Variants in SPECC1 observed in about 807,000 individuals in gnomAD.
The protein encoded by SPECC1 is cytospin-B.
SPECC1 carries 62 observed loss-of-function variants against 104.1 expected under a neutral mutation model. The observed-to-expected ratio is 0.60, with a 90% confidence interval of 0.49 to 0.74. The LOEUF (loss-of-function observed/expected upper bound fraction) is 0.74. SPECC1 is among the 30% of genes least tolerant of loss of function. The pLI, the probability that SPECC1 is intolerant of heterozygous loss-of-function variation, is 0.00. For missense variants in SPECC1, 1,306 were observed against 1,310.5 expected, an observed-to-expected ratio of 1.00 and a Z score of 0.05; for synonymous variants, 513 against 501.6, an observed-to-expected ratio of 1.02 and a Z score of -0.30.
chr17:20,281,472 C>T (rs762067802), intron 12 of SPECC1, among the ~76,000 whole-genome samples: 3 of 152,110 alleles, frequency 2.0e-5, no homozygotes, highest in Non-Finnish European at 4.4e-5. Flanking sequence ...TGCTTCCCTG[C>T]GGTGTACTCC....
chr17:20,221,693 A>G (rs1249879696), intron 4 of SPECC1, among the ~76,000 whole-genome samples: 4 of 150,302 alleles, frequency 2.7e-5, no homozygotes, highest in Non-Finnish European at 4.4e-5. Context: ...TTTGGGTTTC[A>G]TTTGCTCTTG....
chr17:20,199,904 C>G (rs563370706), intron 3 of SPECC1, among the ~76,000 whole-genome samples: 84 of 152,302 alleles, frequency 5.5e-4, no homozygotes, highest in African/African-American at 2.0e-3. Context: ...ATTCTCTTGC[C>G]TCAGCCTCCT....
intron 1 of SPECC1, among the ~76,000 whole-genome samples, chr17:20,020,268 A>T (rs2044320399): frequency 6.6e-6 from 1 of 152,200 alleles, no homozygotes; most frequent in African/African-American, 2.4e-5. Context: ...TTGTCAAATC[A>T]TCTTTTCTAA....
intron 3 of SPECC1, among the ~76,000 whole-genome samples, chr17:20,131,877 T>C (rs1036770821): frequency 6.6e-6 from 1 of 152,108 alleles, no homozygotes; most frequent in African/African-American, 2.4e-5. Flanking sequence ...CTTGAACTCC[T>C]GAGCTCAGGC....
At chr17:20,103,986 C>T (rs752014721) in intron 2 of SPECC1, among the ~76,000 whole-genome samples, 3 of 152,144 alleles carry the variant, frequency 2.0e-5, no homozygotes, top group South Asian at 2.1e-4. Flanking sequence ...CATTCTTTTC[C>T]GTGTGAAATG....
intron 3 of SPECC1, among the ~76,000 whole-genome samples, chr17:20,158,566 T>C (rs533035568): frequency 6.6e-6 from 1 of 152,292 alleles, no homozygotes; most frequent in South Asian, 2.1e-4. Context: ...GCCCACCCAT[T>C]AGAGGGGTCT....
chr17:20,270,063 C>G (rs1005055226), intron 12 of SPECC1, among the ~76,000 whole-genome samples: 1 of 152,050 alleles, frequency 6.6e-6, no homozygotes, highest in Non-Finnish European at 1.5e-5. Flanking sequence ...TAGGCAAATT[C>G]ACAGAAACAG....
chr17:20,040,160 TATATACACACAC>T (rs1388287387), intron 1 of SPECC1, among the ~76,000 whole-genome samples: 1 of 152,120 alleles, frequency 6.6e-6, no homozygotes, highest in East Asian at 1.9e-4. Context: ...TGTATATATA[TATATACACACAC>T]ATATACACAC....
chr17:20,287,976 G>A (rs1354988900), intron 12 of SPECC1, among the ~76,000 whole-genome samples: 1 of 149,698 alleles, frequency 6.7e-6, no homozygotes, highest in African/African-American at 2.5e-5. Flanking sequence ...AGGCCTTAGT[G>A]TATGTTGTTT....
At chr17:20,061,233 G>A (rs774765561) in intron 1 of SPECC1, among the ~76,000 whole-genome samples, 4 of 152,056 alleles carry the variant, frequency 2.6e-5, no homozygotes, top group Admixed American at 6.6e-5. Flanking sequence ...CACCACGCCC[G>A]GCTAATTTTT....
chr17:20,073,788 GT>G (rs1278155350), intron 1 of SPECC1: 1 of 152,204 alleles, frequency 6.6e-6, no homozygotes, highest in African/African-American at 2.4e-5. Context: ...TAGGTACAAT[GT>G]CTTACAGACC....
intron 12 of SPECC1, among the ~76,000 whole-genome samples, chr17:20,264,096 C>A (rs1319843102): frequency 6.6e-6 from 1 of 152,144 alleles, no homozygotes; most frequent in African/African-American, 2.4e-5. Context: ...CTTGTTCTCT[C>A]AGAATTAGGA....
At chr17:20,043,787 A>G (rs530421696) in intron 1 of SPECC1, among the ~76,000 whole-genome samples, 9 of 152,290 alleles carry the variant, frequency 5.9e-5, no homozygotes, top group African/African-American at 2.2e-4. Context: ...TCCAAGGGAG[A>G]AGAGTTTTCT....
At chr17:20,197,831 C>T (rs114804608) in intron 3 of SPECC1, among the ~76,000 whole-genome samples, 2,065 of 152,240 alleles carry the variant, frequency 0.014, 38 homozygotes, top group African/African-American at 0.046. Context: ...CCCCTTGACA[C>T]GGAAAAAGAA....
chr17:20,068,091 A>T (rs1170660190), intron 1 of SPECC1, among the ~76,000 whole-genome samples: 2 of 151,768 alleles, frequency 1.3e-5, no homozygotes, highest in African/African-American at 4.8e-5. Context: ...TCAGCCTCCC[A>T]AGTAGCTGGG....
At chr17:20,164,123 A>G (rs974822631) in intron 3 of SPECC1, among the ~76,000 whole-genome samples, 2 of 151,622 alleles carry the variant, frequency 1.3e-5, no homozygotes, top group Admixed American at 1.3e-4. Flanking sequence ...AAAGATGTTT[A>G]CATAAGTGTT....
chr17:20,010,286 C>G (rs779473407), intron 1 of SPECC1: 1 of 152,148 alleles, frequency 6.6e-6, no homozygotes. Context: ...CTTCCTTGCC[C>G]TCTGCAGGAA....
At chr17:20,252,729 TG>T (rs2039677385) in intron 9 of SPECC1, among the ~76,000 whole-genome samples, 1 of 152,230 alleles carries the variant, frequency 6.6e-6, no homozygotes, top group East Asian at 1.9e-4. Context: ...AATATTCCAT[TG>T]TATATTCTAT....
At chr17:20,298,982 G>A (rs1051281451) in intron 13 of SPECC1, among the ~76,000 whole-genome samples, 1 of 31,972 alleles carries the variant, frequency 3.1e-5, no homozygotes, top group Non-Finnish European at 5.8e-5. Flanking sequence ...TATGTAGAGA[G>A]AGAGAGAGAG....
Sources: allele counts gnomAD v4.1 joint callset (sites outside exome capture counted in the v4.1 genomes callset), GRCh38; gene constraint gnomAD v4.1.1; transcripts MANE v1.5; gene names NCBI Gene and HGNC (gene_info 2026-07-23, HGNC 2026-07-21).